Variants in ADGRB3 observed in about 807,000 individuals in gnomAD.
ADGRB3 encodes the protein adhesion G protein-coupled receptor B3.
Under a neutral mutation model 193.4 loss-of-function variants are expected in ADGRB3, and 37 were observed. The ratio of observed to expected loss-of-function variants is 0.19; its 90% CI spans 0.15 to 0.25. The LOEUF (loss-of-function observed/expected upper bound fraction) is 0.25, where lower values mean the gene tolerates loss of function less well. Ranked by LOEUF, ADGRB3 falls within the 10% of genes least tolerant of loss-of-function variation. The pLI, the probability that ADGRB3 is intolerant of heterozygous loss-of-function variation, is 1.00. For missense variants in ADGRB3, 1,637 were observed against 1,852.9 expected (o/e 0.88, Z 2.14); for synonymous variants, 690 against 644.2 (o/e 1.07, Z -1.08).
chr6:68,718,736 A>C (rs763658713), intron 3 of ADGRB3, among the ~76,000 whole-genome samples: 3 of 151,788 alleles, frequency 2.0e-5, no homozygotes, highest in Non-Finnish European at 4.4e-5. Context: ...CCTTGTACTT[A>C]TACGGAGTTA....
rs114685601 is a variant in ADGRB3, at chr6:68,725,447, G to A, written c.757+86015G>A. Among the ~76,000 whole-genome samples, 477 of 151,724 alleles carry A rather than the reference G, an allele frequency of 3.1e-3. 4 individuals carry two copies. The highest frequency in any genetic ancestry group is 0.011 in the African/African-American group (467 of 41,476). The stretch of plus-strand genomic sequence containing the variant: ...GCAGTAGTCCACATGCCAAAGATAT[G>A]AAATAAGCCAGAAGATGATATTACC... On this transcript the variant is annotated intron_variant, in intron 3 of 31. Coordinates refer to ENST00000370598, the MANE Select transcript of ADGRB3 (RefSeq NM_001704.3).
At chr6:68,771,101 C>A (rs1352831846) in intron 3 of ADGRB3, among the ~76,000 whole-genome samples, 1 of 151,930 alleles carries the variant, frequency 6.6e-6, no homozygotes, top group African/African-American at 2.4e-5. Flanking sequence ...TGAGTGCATC[C>A]ATTAGTGGCT....
At chr6:69,165,243 A>C (rs189303672) in intron 17 of ADGRB3, among the ~76,000 whole-genome samples, 33 of 152,210 alleles carry the variant, frequency 2.2e-4, no homozygotes, top group Admixed American at 8.5e-4. Flanking sequence ...CATCTACAAC[A>C]CAAGACTTTG....
chr6:68,801,272 G>C (rs753460376), intron 3 of ADGRB3, among the ~76,000 whole-genome samples: 6 of 152,212 alleles, frequency 3.9e-5, no homozygotes, highest in Middle Eastern at 3.4e-3. Flanking sequence ...ACTCTTAGAG[G>C]CTGTAAGTAT....
At chr6:69,269,527 A>G (rs2127278303) in intron 20 of ADGRB3, among the ~76,000 whole-genome samples, 2 of 152,322 alleles carry the variant, frequency 1.3e-5, no homozygotes, top group South Asian at 4.1e-4. Flanking sequence ...TTTGAATTGC[A>G]TAAATGCATA....
At chr6:68,760,164 C>T (rs1258109682) in intron 3 of ADGRB3, among the ~76,000 whole-genome samples, 1 of 152,120 alleles carries the variant, frequency 6.6e-6, no homozygotes, top group Non-Finnish European at 1.5e-5. Context: ...ATGAAAATCA[C>T]TTATTCGTTG....
intron 11 of ADGRB3, among the ~76,000 whole-genome samples, chr6:69,003,814 A>T (rs941459384): frequency 2.0e-5 from 3 of 152,212 alleles, no homozygotes; most frequent in Non-Finnish European, 2.9e-5. Context: ...TCTGGAAGAT[A>T]ACTGGTAACT....
chr6:68,823,895 A>C (rs1767791914), intron 3 of ADGRB3, among the ~76,000 whole-genome samples: 1 of 152,044 alleles, frequency 6.6e-6, no homozygotes, highest in South Asian at 2.1e-4. Context: ...TCATTGTTGA[A>C]TAATAATTTA....
At chr6:68,669,757 C>G (rs1044996896) in intron 3 of ADGRB3, among the ~76,000 whole-genome samples, 1 of 151,792 alleles carries the variant, frequency 6.6e-6, no homozygotes, top group African/African-American at 2.4e-5. Flanking sequence ...GTGCTGATAT[C>G]TCTTCGATGT....
At chr6:69,158,744 T>TC (rs971234019) in intron 17 of ADGRB3, among the ~76,000 whole-genome samples, 2 of 152,076 alleles carry the variant, frequency 1.3e-5, no homozygotes, top group Non-Finnish European at 2.9e-5. Context: ...ATTATTTTTT[T>TC]CATTTGCCTC....
Position 69,148,456 on chromosome 6 carries a change from A to C in ADGRB3, c.2480+72418A>C, listed in dbSNP as rs575322825. ...TTTTAACTTCATGTCCCTGCTTTTTAACTTTTTATTGTTTCCATTTCTATC... is the reference window on the plus strand; with the variant it reads ...TTTTAACTTCATGTCCCTGCTTTTTCACTTTTTATTGTTTCCATTTCTATC... On this transcript the variant is annotated intron_variant, in intron 17 of 31. Coordinates refer to ENST00000370598, the MANE Select transcript of ADGRB3 (RefSeq NM_001704.3). 3.0e-4 allele frequency among the ~76,000 whole-genome samples: 46 copies of C among 152,206 alleles called. No homozygotes were observed. In the South Asian group the frequency reaches 9.3e-3, roughly 31 times the overall value.
At chr6:68,980,819 G>A (rs546818307) in intron 10 of ADGRB3, among the ~76,000 whole-genome samples, 22 of 151,430 alleles carry the variant, frequency 1.5e-4, no homozygotes, top group African/African-American at 4.8e-4. Flanking sequence ...AATAAGGCTG[G>A]AACGTGACAA....
Position 68,998,528 on chromosome 6 carries a change from C to A in ADGRB3, c.1929+4566C>A, listed in dbSNP as rs555227507. 2.6e-5 allele frequency among the ~76,000 whole-genome samples: 4 copies of A among 152,322 alleles called. No individual in the cohort carries two copies. The East Asian group carries it at 7.7e-4, about 29-fold the overall frequency. On this transcript the variant is annotated intron_variant, in intron 11 of 31. Coordinates refer to ENST00000370598, the MANE Select transcript of ADGRB3 (RefSeq NM_001704.3). ...TCCATTAAAATGGGCACAGTTACTTCAGTAAGGAACATGGGTTAACTACCA... is the reference window on the plus strand; with the variant it reads ...TCCATTAAAATGGGCACAGTTACTTAAGTAAGGAACATGGGTTAACTACCA...
At chr6:69,312,637 G>GAT (rs915584795) in intron 20 of ADGRB3, among the ~76,000 whole-genome samples, 1 of 151,652 alleles carries the variant, frequency 6.6e-6, no homozygotes, top group African/African-American at 2.4e-5. Context: ...AGGATTAAAT[G>GAT]ATAGCCTGCC....
chr6:68,904,103 AAGGAAGGAAGGG>A (rs1309214657), intron 3 of ADGRB3, among the ~76,000 whole-genome samples: 2 of 62,000 alleles, frequency 3.2e-5, no homozygotes, highest in African/African-American at 9.7e-5. Flanking sequence ...GGAAGGAAGG[AAGGAAGGAAGGG>A]AGGGAGGGAG....
At chr6:69,145,269 C>T (rs1199575703) in intron 17 of ADGRB3, among the ~76,000 whole-genome samples, 8 of 152,052 alleles carry the variant, frequency 5.3e-5, no homozygotes, top group Non-Finnish European at 1.0e-4. Context: ...ATGTTGGCTG[C>T]GGTAGGGTGG....
intron 28 of ADGRB3, among the ~76,000 whole-genome samples, chr6:69,358,728 C>T (rs1769383493): frequency 6.6e-6 from 1 of 151,804 alleles, no homozygotes; most frequent in Non-Finnish European, 1.5e-5. Context: ...GTTTGTGTTT[C>T]ACTACTTGAT....
intron 3 of ADGRB3, among the ~76,000 whole-genome samples, chr6:68,733,349 A>T (rs1341695457): frequency 6.9e-6 from 1 of 144,666 alleles, no homozygotes; most frequent in Non-Finnish European, 1.6e-5. Flanking sequence ...TGCAACGTAG[A>T]TGCAGCCTGA....
At chr6:69,148,373 C>T (rs189316868) in intron 17 of ADGRB3, among the ~76,000 whole-genome samples, 67 of 152,132 alleles carry the variant, frequency 4.4e-4, no homozygotes, top group East Asian at 1.7e-3. Context: ...CTGATGACAA[C>T]GGTGACTGCA....
Sources: gnomAD v4.1 joint callset for allele counts (sites outside exome capture counted in the v4.1 genomes callset) on GRCh38, gnomAD v4.1.1 for gene constraint, MANE v1.5 for transcripts, NCBI Gene and HGNC (gene_info 2026-07-23, HGNC 2026-07-21) for gene names.